The following FOXO3 variants were observed in gnomAD, a reference collection of about 807,000 sequenced individuals.
FOXO3 encodes the protein forkhead box protein O3.
In FOXO3, 4 loss-of-function variants were observed where a neutral mutation model predicts 41.9. The observed-to-expected ratio is 0.10, with a 90% CI of 0.05 to 0.22. FOXO3 has a LOEUF of 0.22. Ranked by LOEUF, FOXO3 falls within the 10% of genes least tolerant of loss-of-function variation. The pLI, the probability that FOXO3 is intolerant of heterozygous loss-of-function variation, is 1.00. For missense variants in FOXO3, 534 were observed against 906.8 expected (o/e 0.59, Z 5.28); for synonymous variants, 318 against 389.3 (o/e 0.82, Z 2.16).
At chr6:108,608,858 C>T (rs1032840474) in intron 1 of FOXO3, among the ~76,000 whole-genome samples, 3 of 152,192 alleles carry the variant, frequency 2.0e-5, no homozygotes, top group Non-Finnish European at 4.4e-5. Context: ...CCTCCCCTCC[C>T]AGAGTCCAGA....
intron 1 of FOXO3, among the ~76,000 whole-genome samples, chr6:108,603,691 G>A (rs1777115376): frequency 6.6e-6 from 1 of 152,136 alleles, no homozygotes; most frequent in African/African-American, 2.4e-5. Flanking sequence ...CTAATGGGGA[G>A]AGGAGGGAAT....
chr6:108,613,695 C>T (rs57610840), intron 1 of FOXO3, among the ~76,000 whole-genome samples: 3,809 of 152,058 alleles, frequency 0.025, 125 homozygotes, highest in African/African-American at 0.074. Context: ...CTTCCACTGA[C>T]TTTTCCCCCG....
chr6:108,584,901 C>G (rs1225377713), intron 1 of FOXO3, among the ~76,000 whole-genome samples: 1 of 151,810 alleles, frequency 6.6e-6, no homozygotes, highest in African/African-American at 2.4e-5. Flanking sequence ...CATAGTGATG[C>G]AGTTGAAACA....
intron 1 of FOXO3, 88 bp downstream of exon 1, chr6:108,561,917 C>G (rs537970190): frequency 3.4e-6 from 5 of 1,464,918 alleles, no homozygotes; most frequent in East Asian, 5.4e-5. Flanking sequence ...AGTGCGCTTG[C>G]GGGCTCCAGG....
chr6:108,580,744 G>A (rs569764513), intron 1 of FOXO3, among the ~76,000 whole-genome samples: 34 of 152,306 alleles, frequency 2.2e-4, no homozygotes, highest in South Asian at 1.0e-3. Context: ...TGCATGATCC[G>A]TTAGAATTGT....
At chr6:108,630,951 T>G (rs1158688665) in intron 1 of FOXO3, among the ~76,000 whole-genome samples, 1 of 152,200 alleles carries the variant, frequency 6.6e-6, no homozygotes, top group African/African-American at 2.4e-5. Context: ...TTGGGTTCCT[T>G]TATTGCCTTT....
At chr6:108,649,716 A>G (rs1460846276) in intron 1 of FOXO3, among the ~76,000 whole-genome samples, 8 of 151,640 alleles carry the variant, frequency 5.3e-5, no homozygotes, top group Non-Finnish European at 1.2e-4. Context: ...CCACAAATTA[A>G]TATCAGGACT....
At chr6:108,668,145 A>T (rs1443686025) in intron 2 of FOXO3, among the ~76,000 whole-genome samples, 1 of 152,184 alleles carries the variant, frequency 6.6e-6, no homozygotes, top group Admixed American at 6.5e-5. Flanking sequence ...GTTTCTCCAG[A>T]CTGAATTCCT....
At chr6:108,619,441 A>G (rs1169740639) in intron 1 of FOXO3, among the ~76,000 whole-genome samples, 3 of 152,174 alleles carry the variant, frequency 2.0e-5, no homozygotes, top group Non-Finnish European at 4.4e-5. Context: ...TCTTTATTCT[A>G]CTTCTTAACA....
chr6:108,638,785 C>A (rs1312120463), intron 1 of FOXO3, among the ~76,000 whole-genome samples: 1 of 152,160 alleles, frequency 6.6e-6, no homozygotes, highest in Non-Finnish European at 1.5e-5. Flanking sequence ...CCCAACACAA[C>A]AAGGTATAGA....
At chr6:108,676,675 A>G (rs961394137) in intron 2 of FOXO3, among the ~76,000 whole-genome samples, 2 of 152,240 alleles carry the variant, frequency 1.3e-5, no homozygotes. Context: ...CTTAAAACCC[A>G]TGAAACTTGT....
At chr6:108,663,263 A>G (rs1253278622) in intron 1 of FOXO3, among the ~76,000 whole-genome samples, 192 bp from the exon 2 acceptor site, 1 of 152,226 alleles carries the variant, frequency 6.6e-6, no homozygotes, top group Non-Finnish European at 1.5e-5. Flanking sequence ...TCCCAGTTAC[A>G]GGTGCTTCAG....
chr6:108,625,494 C>T (rs1370198580), intron 1 of FOXO3, among the ~76,000 whole-genome samples: 3 of 152,184 alleles, frequency 2.0e-5, no homozygotes, highest in Non-Finnish European at 4.4e-5. Flanking sequence ...TACCTATTTT[C>T]ACTGTATTAA....
chr6:108,676,711 C>G (rs1189764965), intron 2 of FOXO3, among the ~76,000 whole-genome samples: 3 of 152,208 alleles, frequency 2.0e-5, no homozygotes, highest in Non-Finnish European at 4.4e-5. Context: ...CATTGACTTT[C>G]CCAGCTCAGT....
At chr6:108,653,723 A>G (rs574948406) in intron 1 of FOXO3, among the ~76,000 whole-genome samples, 13 of 152,322 alleles carry the variant, frequency 8.5e-5, no homozygotes, top group African/African-American at 3.1e-4. Flanking sequence ...CATGTTTCCT[A>G]TGCCCTTTTA....
intron 2 of FOXO3, among the ~76,000 whole-genome samples, chr6:108,665,572 C>T (rs1582831426): frequency 6.6e-6 from 1 of 152,054 alleles, no homozygotes; most frequent in East Asian, 1.9e-4. Flanking sequence ...CCTATAATCC[C>T]ACAACTATGG....
chr6:108,669,504 T>C (rs560577076), intron 2 of FOXO3, among the ~76,000 whole-genome samples: 2 of 152,358 alleles, frequency 1.3e-5, no homozygotes, highest in South Asian at 4.1e-4. Context: ...GAATATATTC[T>C]GCTATTTGTA....
At chr6:108,636,136 C>T (rs953379576) in intron 1 of FOXO3, among the ~76,000 whole-genome samples, 1 of 152,214 alleles carries the variant, frequency 6.6e-6, no homozygotes, top group African/African-American at 2.4e-5. Flanking sequence ...GTGACTAGCA[C>T]CTCTGTGCCT....
intron 1 of FOXO3, among the ~76,000 whole-genome samples, chr6:108,618,990 A>G (rs1339268819): frequency 6.6e-6 from 1 of 152,178 alleles, no homozygotes; most frequent in Non-Finnish European, 1.5e-5. Flanking sequence ...TCAGGCAAAT[A>G]AGTTCAAGGC....
Sources: gnomAD v4.1 joint callset for allele counts (sites outside exome capture counted in the v4.1 genomes callset) on GRCh38, gnomAD v4.1.1 for gene constraint, MANE v1.5 for transcripts, NCBI Gene and HGNC (gene_info 2026-07-23, HGNC 2026-07-21) for gene names.